The following PCDH9 variants were observed in gnomAD, a reference collection of about 807,000 sequenced individuals.
PCDH9 encodes protocadherin 9.
PCDH9 carries 24 observed loss-of-function variants against 70.6 expected under a neutral mutation model. The ratio of observed to expected loss-of-function variants is 0.34; its 90% CI spans 0.25 to 0.48. The LOEUF is 0.48. Ranked by LOEUF, PCDH9 falls within the 20% of genes least tolerant of loss-of-function variation. The pLI, the probability that PCDH9 is intolerant of heterozygous loss-of-function variation, is 0.99. For synonymous variants in PCDH9, 562 were observed against 558.5 expected, an observed-to-expected ratio of 1.01 and a Z score of -0.09; for missense variants, 1,281 against 1,503.6, an observed-to-expected ratio of 0.85 and a Z score of 2.45.
At chr13:66,650,464 C>A (rs1300324808) in intron 3 of PCDH9, among the ~76,000 whole-genome samples, 1 of 151,826 alleles carries the variant, frequency 6.6e-6, no homozygotes, top group Non-Finnish European at 1.5e-5. Flanking sequence ...ACTGGAGCAC[C>A]CAGATTTATA....
chr13:66,546,370 T>C (rs1212136721), intron 4 of PCDH9, among the ~76,000 whole-genome samples: 1 of 152,086 alleles, frequency 6.6e-6, no homozygotes, highest in Non-Finnish European at 1.5e-5. Context: ...CTAATGTGTG[T>C]GTTTGTATCT....
chr13:67,161,699 T>C (rs1044333975), intron 2 of PCDH9, among the ~76,000 whole-genome samples: 2 of 152,184 alleles, frequency 1.3e-5, no homozygotes, highest in Non-Finnish European at 2.9e-5. Context: ...ATAAACACTT[T>C]AATTTCCAGG....
chr13:66,845,650 C>T (rs1328837870), intron 3 of PCDH9, among the ~76,000 whole-genome samples: 3 of 152,194 alleles, frequency 2.0e-5, no homozygotes, highest in Non-Finnish European at 2.9e-5. Flanking sequence ...GAGGGCAGTG[C>T]TCCTGCTTGC....
chr13:66,976,234 A>T (rs1426374081), intron 2 of PCDH9, among the ~76,000 whole-genome samples: 1 of 152,000 alleles, frequency 6.6e-6, no homozygotes, highest in African/African-American at 2.4e-5. Context: ...GCAGTTATTT[A>T]TTTATTTTAG....
chr13:67,025,443 T>C (rs1248192727), intron 2 of PCDH9, among the ~76,000 whole-genome samples: 1 of 152,128 alleles, frequency 6.6e-6, no homozygotes, highest in African/African-American at 2.4e-5. Flanking sequence ...TTTTTTAATG[T>C]TTCTTTTCTT....
intron 2 of PCDH9, among the ~76,000 whole-genome samples, chr13:67,025,665 A>C (rs981707356): frequency 6.6e-6 from 1 of 152,126 alleles, no homozygotes; most frequent in African/African-American, 2.4e-5. Flanking sequence ...TGGGAGGAAG[A>C]GGAGGAAGAT....
At chr13:66,321,919 G>C (rs1165407054) in intron 4 of PCDH9, among the ~76,000 whole-genome samples, 1 of 151,780 alleles carries the variant, frequency 6.6e-6, no homozygotes, top group African/African-American at 2.4e-5. Flanking sequence ...CTTAGCTTCA[G>C]TGCCAATGGA....
At chr13:66,314,228 C>T (rs553435907) in intron 4 of PCDH9, among the ~76,000 whole-genome samples, 5 of 152,314 alleles carry the variant, frequency 3.3e-5, no homozygotes, top group East Asian at 1.9e-4. Flanking sequence ...TGTCTGCCTT[C>T]GCTCCTTTCC....
At chr13:67,105,840 C>A (rs1266021942) in intron 2 of PCDH9, among the ~76,000 whole-genome samples, 1 of 151,464 alleles carries the variant, frequency 6.6e-6, no homozygotes, top group East Asian at 1.9e-4. Flanking sequence ...TAATGATCTA[C>A]ATAAGTAAAG....
chr13:67,057,165 T>C (rs1345352036), intron 2 of PCDH9, among the ~76,000 whole-genome samples: 2 of 152,166 alleles, frequency 1.3e-5, no homozygotes, highest in Non-Finnish European at 2.9e-5. Flanking sequence ...GGGTTAGGAA[T>C]ACGCATAGAT....
chr13:66,805,850 G>T (rs115437024), intron 3 of PCDH9, among the ~76,000 whole-genome samples: 1 of 152,214 alleles, frequency 6.6e-6, no homozygotes, highest in African/African-American at 2.4e-5. Context: ...GTTGATAAAA[G>T]GTTGCCAAAT....
chr13:66,859,674 A>G (rs2081450077), intron 3 of PCDH9, among the ~76,000 whole-genome samples: 1 of 152,206 alleles, frequency 6.6e-6, no homozygotes, highest in South Asian at 2.1e-4. Context: ...TCCTGTATCA[A>G]TATTAACCTG....
chr13:66,411,811 T>A (rs1034346322), intron 4 of PCDH9, among the ~76,000 whole-genome samples: 3 of 152,108 alleles, frequency 2.0e-5, no homozygotes, highest in Admixed American at 6.6e-5. Context: ...CACCTGAAGG[T>A]TTATATGTCA....
intron 2 of PCDH9, among the ~76,000 whole-genome samples, chr13:67,100,186 T>A (rs1566424601): frequency 6.6e-6 from 1 of 152,168 alleles, no homozygotes. Context: ...ACCCATAACA[T>A]ATTAATTAAT....
Position 66,641,417 on chromosome 13 carries a change from T to C in PCDH9, c.3139-10006A>G, listed in dbSNP as rs375851375. 1.1e-4 allele frequency among the ~76,000 whole-genome samples: 17 copies of C among 152,298 alleles called. No homozygotes were observed. The East Asian group carries it at 3.1e-3, about 28-fold the overall frequency. ...GATTAATTTGTATGGAGAAAGTGCA[T>C]GGTCATGCATAGTCTACAAAATGTA... is the stretch of plus-strand genomic sequence containing the variant. On this transcript the variant is annotated intron_variant, in intron 3 of 4. Coordinates refer to ENST00000377865, the MANE Select transcript of PCDH9 (RefSeq NM_203487.3).
intron 2 of PCDH9, among the ~76,000 whole-genome samples, chr13:67,015,829 T>C (rs1290829504): frequency 6.6e-6 from 1 of 152,146 alleles, no homozygotes; most frequent in East Asian, 1.9e-4. Flanking sequence ...CTATGGCTCA[T>C]TGTTCCTGTC....
intron 3 of PCDH9, among the ~76,000 whole-genome samples, chr13:66,771,646 A>G (rs1366518352): frequency 6.6e-6 from 1 of 152,230 alleles, no homozygotes; most frequent in Non-Finnish European, 1.5e-5. Context: ...AGGAGGCAGT[A>G]TAGAGTTTTG....
chr13:66,983,607 A>T (rs2083822637), intron 2 of PCDH9, among the ~76,000 whole-genome samples: 1 of 152,178 alleles, frequency 6.6e-6, no homozygotes, highest in Non-Finnish European at 1.5e-5. Context: ...AAATATTCTC[A>T]AATTAAAACA....
Position 66,795,536 on chromosome 13 carries a change from A to G in PCDH9, c.3138+107968T>C, listed in dbSNP as rs183421270. Among the ~76,000 whole-genome samples the G allele has an allele frequency of 1.8e-3, 276 of 152,214 alleles. 3 individuals carry two copies. The highest frequency in any genetic ancestry group is 6.2e-3 in the African/African-American group (257 of 41,548). ...CATATTCCCATTCTTTTATTAATTT[A>G]CTTTCTCTCTTTATTGTTGATATGA... On this transcript the variant is annotated intron_variant, in intron 3 of 4. Coordinates refer to ENST00000377865, the MANE Select transcript of PCDH9 (RefSeq NM_203487.3).
Sources: gnomAD v4.1 joint callset for allele counts (sites outside exome capture counted in the v4.1 genomes callset) on GRCh38, gnomAD v4.1.1 for gene constraint, MANE v1.5 for transcripts, NCBI Gene and HGNC (gene_info 2026-07-23, HGNC 2026-07-21) for gene names.